CD8B: variants seen among roughly 807,000 people sequenced by gnomAD.
The protein encoded by CD8B is T-cell surface glycoprotein CD8 beta chain.
Under a neutral mutation model 24.2 loss-of-function variants are expected in CD8B, and 6 were observed. The observed-to-expected ratio is 0.25, with a 90% CI of 0.14 to 0.49. CD8B has a LOEUF of 0.49. Ranked by LOEUF, CD8B falls within the 20% of genes least tolerant of loss-of-function variation. CD8B has a pLI of 0.98. For missense variants in CD8B, 196 were observed against 271.3 expected, an observed-to-expected ratio of 0.72 and a Z score of 1.95; for synonymous variants, 84 against 108.3, an observed-to-expected ratio of 0.78 and a Z score of 1.39.
At chr2:86,853,674 A>G (rs1332958636) in intron 2 of CD8B, among the ~76,000 whole-genome samples, 1 of 152,092 alleles carries the variant, frequency 6.6e-6, no homozygotes, top group Non-Finnish European at 1.5e-5. Context: ...AGCAGAGCCT[A>G]CACCTCTGAT....
At position 86,839,534 on chromosome 2, in the gene CD8B, G is replaced by C. The variant is rs1192309967; in HGVS notation, c.*2773C>G. 1.3e-5 allele frequency among the ~76,000 whole-genome samples: 2 copies of C among 152,224 alleles called. No homozygotes were observed. Among genetic ancestry groups the C allele is most frequent in the Admixed American group, 1.3e-4 (2 of 15,286 alleles). On this transcript the variant is annotated 3_prime_UTR_variant, in exon 6 of 6. Transcript: ENST00000390655. ...CTCCTTCTTCAAACAAAGGTCAGGT[G>C]CTGGGTGCAGACCTTCTCACCGCAG...
chr2:86,823,275 AT>A (rs112078591), intron 5 of CD8B, among the ~76,000 whole-genome samples: 4 of 146,742 alleles, frequency 2.7e-5, no homozygotes, highest in Admixed American at 1.4e-4. Context: ...CTTAAAAAAA[AT>A]TTTTAATTAA....
At position 86,858,257 on chromosome 2, in the gene CD8B, T is replaced by C; in HGVS notation, c.203A>G (p.Glu68Gly). The part of the protein sequence containing the change: ...RQAPSSDSHH[E>G]FLALWDSAKG... ...TGCGGAATCCCAGAGGGCCAGGAAC[T>C]CGTGGTGACTGTCACTGCTCGGTGC... is the stretch of plus-strand genomic sequence containing the variant. The change falls in exon 2 of 6, where the codon GAG becomes GGG. Residue 68 changes from glutamate (E) to glycine (G), a missense_variant. Transcript: ENST00000390655. 6.2e-7 allele frequency: 1 copy of C among 1,614,046 alleles called. No homozygotes were observed. Among genetic ancestry groups the C allele is most frequent in the Non-Finnish European group, 8.5e-7 (1 of 1,179,880 alleles).
intron 5 of CD8B, 121 bp downstream of exon 5, chr2:86,844,801 C>A: frequency 6.5e-7 from 1 of 1,542,760 alleles, no homozygotes; most frequent in Non-Finnish European, 8.8e-7. Context: ...CACTACTATG[C>A]CCGGCCGAGT....
rs7566111 is a variant in CD8B, at chr2:86,821,505, G to A, written c.621-5787C>T. Among the ~76,000 whole-genome samples the A allele has an allele frequency of 2.2e-3, 342 of 152,180 alleles. 1 individual carries two copies. The highest frequency in any genetic ancestry group is 7.5e-3 in the African/African-American group (313 of 41,524). The stretch of plus-strand genomic sequence containing the variant: ...GAAGCAACATGGGGCCTTGTCCTGC[G>A]GACACACTTGAGTTAAGATCACACT... On this transcript the variant is annotated intron_variant, in intron 5 of 5. Coordinates refer to the CD8B transcript ENST00000331469.
intron 5 of CD8B, among the ~76,000 whole-genome samples, chr2:86,827,731 C>A (rs1674749448): frequency 6.6e-6 from 1 of 151,978 alleles, no homozygotes; most frequent in South Asian, 2.1e-4. Flanking sequence ...ATTGTTTTTG[C>A]AACATAGAGA....
chr2:86,828,209 A>G (rs1331347531), intron 5 of CD8B, among the ~76,000 whole-genome samples: 1 of 152,120 alleles, frequency 6.6e-6, no homozygotes, highest in Admixed American at 6.6e-5. Context: ...GTGGGGGCGA[A>G]TGTCAATAAA....
At chr2:86,849,570 GGGGTGATGGAAACCTTCTAAAACTAGATT>G in intron 3 of CD8B, among the ~76,000 whole-genome samples, 4 of 152,096 alleles carry the variant, frequency 2.6e-5, no homozygotes, top group African/African-American at 9.7e-5. Flanking sequence ...GAATCTTACT[GGGGTGATGGAAACCTTCTAAAACTAGATT>G]ACGGTAACGG....
At chr2:86,850,586 C>T (rs1256445385) in intron 3 of CD8B, among the ~76,000 whole-genome samples, 1 of 152,074 alleles carries the variant, frequency 6.6e-6, no homozygotes, top group Non-Finnish European at 1.5e-5. Context: ...CAGTGGTAGA[C>T]AGAGATTCAG....
At chr2:86,815,426 A>G (rs1558744452), downstream of CD8B, 2 of 595,464 alleles carry the variant, frequency 3.4e-6, no homozygotes, top group Non-Finnish European at 6.0e-6. Context: ...CAAGGGGGAC[A>G]CTTTGGGGTT....
In CD8B at chr2:86,858,113, C is replaced by A; in HGVS notation, c.347G>T (p.Cys116Phe). The A allele has an allele frequency of 6.2e-7, 1 of 1,614,026 alleles. No individual in the cohort carries two copies. The change falls in exon 2 of 6, where the codon TGC (cysteine) becomes TTC (phenylalanine). Residue 116 changes from cysteine (C) to phenylalanine (F), a missense_variant. By Grantham distance (205) the Cys-to-Phe change is radical (BLOSUM62 -2). Transcript: ENST00000390655. ...CAGCTCGGGGCTCCCGACGATCATG[C>A]AGAAGTAGATGCCACTGTCTTCCGG... ...VKPEDSGIYF[C>F]MIVGSPELTF...
At chr2:86,827,610 A>G (rs1674743187) in intron 5 of CD8B, among the ~76,000 whole-genome samples, 2 of 146,020 alleles carry the variant, frequency 1.4e-5, no homozygotes, top group African/African-American at 5.1e-5. Context: ...TCACAGAGCA[A>G]GACCCTATCT....
At chr2:86,816,783 A>G (rs1019276814) in intron 5 of CD8B, among the ~76,000 whole-genome samples, 37 of 152,274 alleles carry the variant, frequency 2.4e-4, no homozygotes, top group African/African-American at 8.9e-4. Context: ...TTTTTAAGAC[A>G]GAGACATGAT....
At chr2:86,831,740 A>T (rs1674912746) in intron 5 of CD8B, among the ~76,000 whole-genome samples, 1 of 152,206 alleles carries the variant, frequency 6.6e-6, no homozygotes, top group Non-Finnish European at 1.5e-5. Context: ...CCCCAGGGAG[A>T]CACGGGTGGT....
At chr2:86,822,275 T>C in intron 5 of CD8B, 1 of 1,114,392 alleles carries the variant, frequency 9.0e-7, no homozygotes, top group East Asian at 2.4e-5. Flanking sequence ...GTAAGAGTCA[T>C]GATGACCTCA....
chr2:86,844,114 C>A (rs1675558568), intron 5 of CD8B, among the ~76,000 whole-genome samples: 1 of 152,166 alleles, frequency 6.6e-6, no homozygotes, highest in Admixed American at 6.5e-5. Flanking sequence ...CCAACAGCCT[C>A]ATGAAAGACC....
chr2:86,822,464 A>C, intron 5 of CD8B: 1 of 752,498 alleles, frequency 1.3e-6, no homozygotes, highest in Non-Finnish European at 2.3e-6. Flanking sequence ...AAACAATGAT[A>C]ATGCATTCAA....
At chr2:86,857,148 C>T (rs917927487) in intron 2 of CD8B, among the ~76,000 whole-genome samples, 4 of 151,888 alleles carry the variant, frequency 2.6e-5, no homozygotes, top group African/African-American at 9.7e-5. Context: ...GAAAGCATGG[C>T]AAGTTTGCAA....
intron 1 of CD8B, among the ~76,000 whole-genome samples, chr2:86,860,556 A>G (rs938792436): frequency 4.1e-4 from 63 of 152,278 alleles, no homozygotes; most frequent in Non-Finnish European, 6.9e-4. Flanking sequence ...TACTTTACCC[A>G]TGAGGAAAGA....
Sources: allele counts gnomAD v4.1 joint callset (sites outside exome capture counted in the v4.1 genomes callset), GRCh38; gene constraint gnomAD v4.1.1; transcripts MANE v1.5; gene names NCBI Gene and HGNC (gene_info 2026-07-23, HGNC 2026-07-21).